GRIK3: variants seen among roughly 807,000 people sequenced by gnomAD.
GRIK3 encodes the protein glutamate receptor ionotropic, kainate 3.
In GRIK3, 29 loss-of-function variants were observed where a neutral mutation model predicts 102.5. The ratio of observed to expected loss-of-function variants is 0.28; its 90% CI spans 0.21 to 0.39. The LOEUF (loss-of-function observed/expected upper bound fraction) is 0.39. Ranked by LOEUF, GRIK3 falls within the 10% of genes least tolerant of loss-of-function variation. The pLI is 1.00. For synonymous variants in GRIK3, 511 were observed against 504.9 expected (o/e 1.01, Z -0.16); for missense variants, 908 against 1,252.4 (o/e 0.73, Z 4.15).
intron 15 of GRIK3, 141 bp downstream of exon 15, chr1:36,804,846 G>T: frequency 9.1e-7 from 1 of 1,102,120 alleles, no homozygotes; most frequent in Non-Finnish European, 1.3e-6. Context: ...TAGAGTGGCA[G>T]GGCTTGCTGG....
At chr1:36,973,796 T>C (rs192112298) in intron 1 of GRIK3, among the ~76,000 whole-genome samples, 20 of 152,116 alleles carry the variant, frequency 1.3e-4, no homozygotes, top group African/African-American at 4.6e-4. Context: ...TGATTTCAGA[T>C]GACGTAGGAG....
In GRIK3 at chr1:36,819,594, G is replaced by T. The variant is rs1040295222; in HGVS notation, c.1873+142C>A. The T allele has an allele frequency of 3.2e-6, 2 of 625,180 alleles. No homozygotes were observed. Among genetic ancestry groups the T allele is most frequent in the Non-Finnish European group, 5.9e-6 (2 of 341,836 alleles). The allele number at this position is 625,180 out of a possible 1,614,324, so 38.7% of individuals were successfully genotyped here. A position where few individuals can be genotyped will look rare whatever the true frequency, so the allele number is the denominator to read the frequency against. On this transcript the variant is annotated intron_variant, in intron 12 of 15. Transcript: ENST00000373091. This position sits in a 1 kb window ranked among gnomAD's most constrained non-coding sequence, Gnocchi z 4.1. ...GCAAGGGCACACACCTGGGTATCTC[G>T]ATGTCTCCAAACTTCTGCCGGCTCA...
intron 5 of GRIK3, among the ~76,000 whole-genome samples, chr1:36,867,222 C>T (rs1351366425): frequency 6.6e-6 from 1 of 152,192 alleles, no homozygotes; most frequent in Admixed American, 6.5e-5. Context: ...AGTTGACCAT[C>T]CATTCCTCCT....
At chr1:36,893,213 T>C (rs1378985553) in intron 1 of GRIK3, among the ~76,000 whole-genome samples, 1 of 152,168 alleles carries the variant, frequency 6.6e-6, no homozygotes, top group Non-Finnish European at 1.5e-5. Context: ...ATAAAACTTC[T>C]ACCCATTAAA....
At chr1:37,018,641 G>A (rs79031493) in intron 1 of GRIK3, among the ~76,000 whole-genome samples, 11,104 of 152,072 alleles carry the variant, frequency 0.073, 601 homozygotes, top group South Asian at 0.21. Flanking sequence ...TTAACTGCAG[G>A]CCTCAGATCC....
chr1:36,968,199 C>T (rs1642099630), intron 1 of GRIK3, among the ~76,000 whole-genome samples: 1 of 150,290 alleles, frequency 6.7e-6, no homozygotes, highest in South Asian at 2.1e-4. Flanking sequence ...GCTCTTCTCT[C>T]TCTCTTTCAC....
chr1:36,919,108 AT>A (rs1350016052), intron 1 of GRIK3, among the ~76,000 whole-genome samples: 1 of 152,198 alleles, frequency 6.6e-6, no homozygotes, highest in Non-Finnish European at 1.5e-5. Flanking sequence ...AATGCAGCCA[AT>A]GTCCACTGGT....
Position 36,975,453 on chromosome 1 carries a change from C to T in GRIK3, c.115+58541G>A, listed in dbSNP as rs532209127. Reference sequence around the variant, plus strand: ...GAGACTATGGGTGCATGCCACCATGCCCAGCTGATTTTTTGTATTTTTAGT... The same window carrying T: ...GAGACTATGGGTGCATGCCACCATGTCCAGCTGATTTTTTGTATTTTTAGT... On this transcript the variant is annotated intron_variant, in intron 1 of 15. Transcript: ENST00000373091. Among the ~76,000 whole-genome samples the T allele has an allele frequency of 4.0e-4, 61 of 152,110 alleles. 1 individual carries two copies. The South Asian group carries it at 0.012, about 31-fold the overall frequency.
At chr1:36,868,608 A>G (rs1416925592) in intron 5 of GRIK3, among the ~76,000 whole-genome samples, 2 of 152,210 alleles carry the variant, frequency 1.3e-5, no homozygotes. Context: ...TACCAACATG[A>G]CATGGACTTA....
At chr1:36,996,679 G>A (rs551287654) in intron 1 of GRIK3, among the ~76,000 whole-genome samples, 33 of 152,244 alleles carry the variant, frequency 2.2e-4, no homozygotes, top group African/African-American at 7.9e-4. Flanking sequence ...TTCCCCACCG[G>A]GCGCTTTCCT....
chr1:36,934,452 AC>A (rs1641631803), intron 1 of GRIK3, among the ~76,000 whole-genome samples: 1 of 152,108 alleles, frequency 6.6e-6, no homozygotes, highest in Admixed American at 6.5e-5. Context: ...AGAACTCTTC[AC>A]CAGCTCAGGG....
At chr1:36,839,987 G>C (rs1640427362) in intron 10 of GRIK3, among the ~76,000 whole-genome samples, 1 of 152,210 alleles carries the variant, frequency 6.6e-6, no homozygotes, top group African/African-American at 2.4e-5. Flanking sequence ...GAGAGGTGAA[G>C]TCATAACCTT....
intron 4 of GRIK3, among the ~76,000 whole-genome samples, chr1:36,871,121 T>C (rs999723694): frequency 1.3e-5 from 2 of 152,106 alleles, no homozygotes; most frequent in African/African-American, 4.8e-5. Context: ...TGGTATGAGA[T>C]GGGGATTATG....
chr1:36,960,834 C>T (rs139184989), intron 1 of GRIK3, among the ~76,000 whole-genome samples: 35 of 152,284 alleles, frequency 2.3e-4, no homozygotes, highest in African/African-American at 6.0e-4. Flanking sequence ...CCAACCAGGC[C>T]GAGGGAGTAA....
chr1:37,021,860 G>C (rs189772791), intron 1 of GRIK3, among the ~76,000 whole-genome samples: 1 of 152,270 alleles, frequency 6.6e-6, no homozygotes, highest in Non-Finnish European at 1.5e-5. Flanking sequence ...CAGGAACTGG[G>C]ACCAGCCTTT....
chr1:36,938,477 G>A (rs918403771), intron 1 of GRIK3, among the ~76,000 whole-genome samples: 1 of 152,178 alleles, frequency 6.6e-6, no homozygotes, highest in Admixed American at 6.5e-5. Flanking sequence ...AGTCAGAAAT[G>A]CCGTGATGTT....
chr1:36,802,621 C>T (rs1364673204), intron 15 of GRIK3, among the ~76,000 whole-genome samples: 1 of 152,122 alleles, frequency 6.6e-6, no homozygotes, highest in East Asian at 1.9e-4. Flanking sequence ...TGGCAGTGAC[C>T]TTCTTTTGGC....
chr1:36,906,694 G>A (rs1641288420), intron 1 of GRIK3, among the ~76,000 whole-genome samples: 2 of 152,204 alleles, frequency 1.3e-5, no homozygotes, highest in African/African-American at 2.4e-5. Flanking sequence ...ACTGTAGCAC[G>A]CTGGCAGCCG....
rs78010201 is a variant in GRIK3, at chr1:36,948,361, G to C, written c.116-57265C>G. Among the ~76,000 whole-genome samples the C allele has an allele frequency of 4.4e-3, 665 of 152,300 alleles. 6 individuals are homozygous for C. The highest frequency in any genetic ancestry group is 0.015 in the African/African-American group (635 of 41,568). On this transcript the variant is annotated intron_variant, in intron 1 of 15. Transcript: ENST00000373091. ...ACGTGCCAGGCTCCATGCTGAGAAA[G>C]CACCTCCTGTGTGCTGATCTGAGTT...
Sources: gnomAD v4.1 joint callset for allele counts (sites outside exome capture counted in the v4.1 genomes callset) on GRCh38, gnomAD v4.1.1 for gene constraint, Gnocchi (gnomAD v3.1) non-coding constraint, MANE v1.5 for transcripts, NCBI Gene and HGNC (gene_info 2026-07-23, HGNC 2026-07-21) for gene names.